Variants in DCTN1 observed in about 807,000 individuals in gnomAD.
DCTN1 encodes the protein 150 kDa dynein-associated polypeptide.
Under a neutral mutation model 161.2 loss-of-function variants are expected in DCTN1, and 61 were observed. The observed-to-expected ratio is 0.38, with a 90% CI of 0.31 to 0.47. DCTN1 has a LOEUF of 0.47. Among genes scored for constraint, DCTN1 ranks in the 20% least tolerant of loss-of-function variants. The probability of loss-of-function intolerance (pLI) is 0.99; values close to 1 mark genes in which losing one functional copy is unlikely to be tolerated. For synonymous variants in DCTN1, 653 were observed against 632.4 expected, an observed-to-expected ratio of 1.03 and a Z score of -0.49; for missense variants, 1,404 against 1,623.7, an observed-to-expected ratio of 0.86 and a Z score of 2.33.
At chr2:74,364,193 A>T (rs1674232237) in intron 26 of DCTN1, 1 of 166,760 alleles carries the variant, frequency 6.0e-6, no homozygotes, top group Admixed American at 5.5e-5. Flanking sequence ...TAATCCTGGA[A>T]ACTCTCTCCA....
Position 74,363,688 on chromosome 2 carries a change from G to A in DCTN1, c.3197-60C>T, listed in dbSNP as rs1674194230. 4 of 1,604,694 alleles carry A rather than the reference G, an allele frequency of 2.5e-6. No individual in the cohort carries two copies. The Admixed American group carries it at 5.1e-5, about 20-fold the overall frequency. Reference sequence around the variant, plus strand: ...AGAGGAGAGAGGAGTTAGGTGATTTGGGGGTTACGGGGACACACCAGAGGA... The same window carrying A: ...AGAGGAGAGAGGAGTTAGGTGATTTAGGGGTTACGGGGACACACCAGAGGA... On this transcript the variant is annotated intron_variant, in intron 26 of 31. Transcript: ENST00000628224.
chr2:74,362,169 T>C (rs774427047), intron 30 of DCTN1, 28 bp from the exon 31 acceptor site: 10 of 1,605,820 alleles, frequency 6.2e-6, no homozygotes, highest in Non-Finnish European at 7.7e-6. Flanking sequence ...AAGACAAGGG[T>C]TCATTTATGG....
At chr2:74,388,181 A>C (rs1675827801) in intron 1 of DCTN1, among the ~76,000 whole-genome samples, 1 of 144,526 alleles carries the variant, frequency 6.9e-6, no homozygotes, top group African/African-American at 2.8e-5. Context: ...TGGTTGACAG[A>C]GCAAGACTGT....
rs752255219 is a variant in DCTN1 at position 74,369,091 on chromosome 2, T to G, written c.1701+7A>C. The G allele has an allele frequency of 6.2e-7, 1 of 1,613,936 alleles. No homozygotes were observed. The highest frequency in any genetic ancestry group is 1.1e-5 in the South Asian group (1 of 91,076). ...AGGGCTCCCTCAGACCCACACACTT[T>G]CCTGACCTTGGCATGGGCCTTAGTC... On this transcript the variant is annotated splice_region_variant and intron_variant, in intron 15 of 31. Transcript: ENST00000628224. This position sits in a 1 kb window ranked among gnomAD's most constrained non-coding sequence, Gnocchi z 4.9.
At position 74,363,148 on chromosome 2, in the gene DCTN1, G is replaced by A. The variant is rs921121555; in HGVS notation, c.3375C>T (p.Ser1125=). 1.2e-6 allele frequency: 2 copies of A among 1,614,138 alleles called. No individual in the cohort carries two copies. Among genetic ancestry groups the A allele is most frequent in the Non-Finnish European group, 1.7e-6 (2 of 1,180,020 alleles). ...KGAQMKASLA[S]LPPLHVAKLS... The stretch of plus-strand genomic sequence containing the variant: ...GCTTTGCAACATGCAGAGGGGGCAG[G>A]GATGCCAAGGATGCCTTCATCTGGG... Residue 1125 remains serine (S), a synonymous_variant, in exon 29 of 32, where the codon TCC becomes TCT. Transcript: ENST00000628224.
At position 74,366,877 on chromosome 2, in the gene DCTN1, C is replaced by T; in HGVS notation, c.2372G>A (p.Cys791Tyr). The change falls in exon 21 of 32, where the codon TGC becomes TAC. Residue 791 changes from cysteine (C) to tyrosine (Y), a missense_variant. This residue lies in a region of DCTN1 where 475 missense variants were observed against 489.8 expected (regional missense o/e 0.97). Coordinates refer to ENST00000628224, the MANE Select transcript of DCTN1 (RefSeq NM_004082.5). ...ALLLRDLETSCSDIRQFCKKI... is the reference protein window; with the variant it reads ...ALLLRDLETSYSDIRQFCKKI... The stretch of plus-strand genomic sequence containing the variant: ...CTTGCAGAACTGGCGGATGTCACTG[C>T]ATGAAGTTTCCAGATCCCGGAGCAG... The T allele has an allele frequency of 6.2e-7, 1 of 1,614,240 alleles. No individual in the cohort carries two copies. Among genetic ancestry groups the T allele is most frequent in the South Asian group, 1.1e-5 (1 of 91,084 alleles).
At chr2:74,380,443 A>G (rs1432968223), upstream of DCTN1, 2 of 485,336 alleles carry the variant, frequency 4.1e-6, no homozygotes, top group Non-Finnish European at 4.2e-6. Flanking sequence ...TCTTGAATAC[A>G]CTGTCCTAGG....
Position 74,370,115 on chromosome 2 carries a change from A to G in DCTN1, c.1288-46T>C. 1 of 1,614,090 alleles carries G rather than the reference A, an allele frequency of 6.2e-7. No individual in the cohort carries two copies. The highest frequency in any genetic ancestry group is 8.5e-7 in the Non-Finnish European group (1 of 1,180,006). The stretch of plus-strand genomic sequence containing the variant: ...GGAGAAGGGCTGCTGGAAGGTACCT[A>G]GAAAGAGGAGGCATCAACTGATAGG... On this transcript the variant is annotated intron_variant, in intron 12 of 31. Transcript: ENST00000628224. This position sits in a 1 kb window ranked among gnomAD's most constrained non-coding sequence, Gnocchi z 4.4.
rs140986485 is a variant in DCTN1 at position 74,366,355 on chromosome 2, G to A, written c.2649C>T (p.Ser883=). The A allele has an allele frequency of 2.5e-4, 406 of 1,614,234 alleles. 5 individuals are homozygous for A. The African/African-American group carries it at 4.6e-3, about 18-fold the overall frequency. ...ACTGGCGCAGACACTCATAGGGGCT[G>A]CTGGAGGGGGTCCCATAGATCTGCA... is the stretch of plus-strand genomic sequence containing the variant. ...ASEQIYGTPS[S]SPYECLRQSC... The change falls in exon 23 of 32, where the codon AGC becomes AGT. Residue 883 remains serine (S), a synonymous_variant. Transcript: ENST00000628224.
chr2:74,384,346 A>T (rs557658999), upstream of DCTN1, among the ~76,000 whole-genome samples: 2 of 152,328 alleles, frequency 1.3e-5, no homozygotes, highest in South Asian at 4.1e-4. Context: ...ATATCTCTAC[A>T]GGTAGGTGCT....
chr2:74,367,933 A>AC, intron 17 of DCTN1, 38 bp downstream of exon 17: 1 of 1,614,014 alleles, frequency 6.2e-7, no homozygotes, highest in South Asian at 1.1e-5. Flanking sequence ...CCAATCCTGG[A>AC]CCCCCACCCT....
Position 74,376,688 on chromosome 2 carries a change from G to C in DCTN1, c.414+54C>G, listed in dbSNP as rs2103712505. ...CAGCCCAGGGACATGCAGGACAGCT[G>C]GGGAAGGGGCTCATGGCCCCCATCC... is the stretch of plus-strand genomic sequence containing the variant. On this transcript the variant is annotated intron_variant, in intron 5 of 31. Coordinates refer to ENST00000628224, the MANE Select transcript of DCTN1 (RefSeq NM_004082.5). The C allele has an allele frequency of 1.9e-6, 3 of 1,549,778 alleles. No homozygotes were observed. In the East Asian group the frequency reaches 6.9e-5, roughly 36 times the overall value.
intron 29 of DCTN1, 85 bp from the exon 30 acceptor site, chr2:74,362,814 ACT>A: frequency 5.1e-6 from 7 of 1,385,682 alleles, no homozygotes; most frequent in Non-Finnish European, 6.1e-6. Context: ...CAGGTATAAG[ACT>A]CTCTAACAGA....
rs368531137 is a variant in DCTN1 at position 74,367,860 on chromosome 2, G to T, written c.2020C>A (p.Leu674Ile). 6.2e-7 allele frequency: 1 copy of T among 1,614,194 alleles called. No individual in the cohort carries two copies. The highest frequency in any genetic ancestry group is 8.5e-7 in the Non-Finnish European group (1 of 1,180,032). ...TACACATCCACACTGCACTGAGAGA[G>T]GGCACTAGAGACCAGAGAAGGGCAC... is the stretch of plus-strand genomic sequence containing the variant. Reference protein sequence around the residue: ...QATLHRYEHALSQCSVDVYKK... With the variant: ...QATLHRYEHAISQCSVDVYKK... The change falls in exon 18 of 32, where the codon CTC becomes ATC. Residue 674 changes from leucine (L) to isoleucine (I), a missense_variant. Leu to Ile is a conservative substitution (Grantham distance 5). This residue lies in a region of DCTN1 where 475 missense variants were observed against 489.8 expected (regional missense o/e 0.97). Coordinates refer to ENST00000628224, the MANE Select transcript of DCTN1 (RefSeq NM_004082.5).
chr2:74,377,071 T>G (rs1036961544), intron 4 of DCTN1, among the ~76,000 whole-genome samples: 68 of 152,328 alleles, frequency 4.5e-4, no homozygotes, highest in Admixed American at 3.9e-3. Context: ...AGGAGATTGC[T>G]TCTTCCTCTA....
In DCTN1 at chr2:74,374,310, C is replaced by T. The variant is rs370127847; in HGVS notation, c.432+13G>A. 1.2e-6 allele frequency: 2 copies of T among 1,612,940 alleles called. No homozygotes were observed. The highest frequency in any genetic ancestry group is 2.7e-5 in the African/African-American group (2 of 74,692). ...TGGCAACCCAGCAGCAGGACGAGAG[C>T]AAGCAAGAGTACCTTTCGGGCTGTC... is the stretch of plus-strand genomic sequence containing the variant. On this transcript the variant is annotated intron_variant, in intron 6 of 31. Transcript: ENST00000628224.
At chr2:74,390,556 T>G (rs923273203) in intron 1 of DCTN1, 6 of 416,182 alleles carry the variant, frequency 1.4e-5, no homozygotes, top group African/African-American at 1.2e-4. Flanking sequence ...AAAGAAATAT[T>G]TGAGATCTTG....
chr2:74,383,610 G>A (rs1407367133), upstream of DCTN1: 1 of 152,280 alleles, frequency 6.6e-6, no homozygotes, highest in Non-Finnish European at 1.5e-5. Flanking sequence ...GGGTAAGGAA[G>A]GTTTGAACCA....
chr2:74,373,301 C>G (rs890259637), intron 6 of DCTN1: 1 of 379,828 alleles, frequency 2.6e-6, no homozygotes, highest in Non-Finnish European at 5.1e-6. Flanking sequence ...CTCCTGCTAA[C>G]GATCTCTCCA....
Sources: allele counts gnomAD v4.1 joint callset (sites outside exome capture counted in the v4.1 genomes callset), GRCh38; gene constraint gnomAD v4.1.1; regional missense constraint gnomAD v4.1.1; non-coding constraint Gnocchi (gnomAD v3.1); transcripts MANE v1.5; gene names NCBI Gene and HGNC (gene_info 2026-07-23, HGNC 2026-07-21).